SF3B1: variants seen among roughly 807,000 people sequenced by gnomAD.
SF3B1 encodes pre-mRNA processing 10.
Under a neutral mutation model 153.8 loss-of-function variants are expected in SF3B1, and 12 were observed. That is an observed-to-expected ratio of 0.08 (90% CI 0.05 to 0.13). SF3B1 has a LOEUF of 0.13. Among genes scored for constraint, SF3B1 ranks in the 10% least tolerant of loss-of-function variants. The pLI is 1.00. For synonymous variants in SF3B1, 498 were observed against 525.2 expected, an observed-to-expected ratio of 0.95 and a Z score of 0.71; for missense variants, 513 against 1,606.1, an observed-to-expected ratio of 0.32 and a Z score of 11.63.
At chr2:197,409,337 T>A (rs1574535757) in intron 7 of SF3B1, among the ~76,000 whole-genome samples, 1 of 151,572 alleles carries the variant, frequency 6.6e-6, no homozygotes, top group African/African-American at 2.4e-5. Context: ...GAGGTGGAGG[T>A]TGCAGTGAGC....
intron 4 of SF3B1, 54 bp from the exon 5 acceptor site, chr2:197,418,642 G>T (rs2106008024): frequency 6.3e-7 from 1 of 1,579,068 alleles, no homozygotes; most frequent in Non-Finnish European, 8.6e-7. Flanking sequence ...AAAATAAGCA[G>T]GTTCAACTGA....
rs778218745 is a variant in SF3B1, at chr2:197,418,518, A to G, written c.486T>C (p.Thr162=). Residue 162 remains threonine (T), a synonymous_variant, in exon 5 of 25, where the codon ACT becomes ACC. Transcript: ENST00000335508. ...YMDVMREQHL[T]KEEREIRQQL... ...AGACAGGTTTACATACTTCTTCTTT[A>G]GTCAAGTGTTGTTCTCGCATTACAT... 4 of 1,608,878 alleles carry G rather than the reference A, an allele frequency of 2.5e-6. No homozygotes were observed. In the East Asian group the frequency reaches 8.9e-5, roughly 36 times the overall value.
At position 197,420,984 on chromosome 2, in the gene SF3B1, C is replaced by G. The variant is rs568638032; in HGVS notation, c.300+45G>C. 3.2e-6 allele frequency: 4 copies of G among 1,248,602 alleles called. No homozygotes were observed. In the East Asian group the frequency reaches 9.6e-5, roughly 30 times the overall value. 77.3% of individuals were successfully genotyped at this position (1,248,602 alleles called of 1,614,324 possible). On this transcript the variant is annotated intron_variant, in intron 3 of 24. Transcript: ENST00000335508. ...ATTTCTATGGGAACTCAGACATTCA[C>G]TTTTCTTTAGCTGAATAAACTATGC...
intron 1 of SF3B1, among the ~76,000 whole-genome samples, chr2:197,430,702 C>CAT (rs1180920686): frequency 2.0e-5 from 3 of 152,212 alleles, no homozygotes; most frequent in African/African-American, 7.2e-5. Flanking sequence ...GATCCATCCA[C>CAT]ATCAGCCTCC....
At chr2:197,397,832 A>T (rs1489866275) in intron 22 of SF3B1, 153 bp downstream of exon 22, 2 of 509,334 alleles carry the variant, frequency 3.9e-6, no homozygotes, top group Non-Finnish European at 6.8e-6. Context: ...ATACATTCCA[A>T]TAATCAGAAG....
At chr2:197,408,171 T>TA in intron 8 of SF3B1, 52 bp from the exon 9 acceptor site, 3 of 1,475,882 alleles carry the variant, frequency 2.0e-6, no homozygotes, top group Non-Finnish European at 2.8e-6. Flanking sequence ...ACTGTATTAT[T>TA]ACATACATTG....
chr2:197,396,670 C>A (rs754330737), intron 22 of SF3B1, among the ~76,000 whole-genome samples: 13 of 151,776 alleles, frequency 8.6e-5, no homozygotes, highest in Non-Finnish European at 1.5e-4. Context: ...GTGAGTAATT[C>A]TCTGAGTTGT....
At chr2:197,423,157 C>A (rs1057151801) in intron 2 of SF3B1, among the ~76,000 whole-genome samples, 2 of 152,042 alleles carry the variant, frequency 1.3e-5, no homozygotes, top group Non-Finnish European at 2.9e-5. Flanking sequence ...GAGGCCAAGG[C>A]AGGTGGATCA....
At chr2:197,406,042 T>A (rs2084987563) in intron 9 of SF3B1, among the ~76,000 whole-genome samples, 1 of 146,210 alleles carries the variant, frequency 6.8e-6, no homozygotes, top group Admixed American at 6.8e-5. Flanking sequence ...GCAAAACGAG[T>A]AAAATTTCAA....
In SF3B1 at chr2:197,408,130, A is replaced by G. The variant is rs1291163210; in HGVS notation, c.1118-11T>C. 2 of 1,608,676 alleles carry G rather than the reference A, an allele frequency of 1.2e-6. No homozygotes were observed. Among genetic ancestry groups the G allele is most frequent in the Admixed American group, 3.3e-5 (2 of 59,760 alleles). On this transcript the variant is annotated splice_polypyrimidine_tract_variant and intron_variant, in intron 8 of 24. Transcript: ENST00000335508. Reference sequence around the variant, plus strand: ...TACTCATTATGTGACCTACCAAGAAAAGCAAATTTTTATATAATCTATAGT... The same window carrying G: ...TACTCATTATGTGACCTACCAAGAAGAGCAAATTTTTATATAATCTATAGT...
chr2:197,421,328 T>C (rs968152388), intron 2 of SF3B1, among the ~76,000 whole-genome samples, 195 bp from the exon 3 acceptor site: 5 of 152,258 alleles, frequency 3.3e-5, no homozygotes, highest in Admixed American at 6.5e-5. Context: ...AGTAAAGTTA[T>C]CTTTACTTTT....
chr2:197,405,231 T>C, intron 10 of SF3B1, 44 bp downstream of exon 10: 1 of 1,597,374 alleles, frequency 6.3e-7, no homozygotes. Context: ...TGATTTATAA[T>C]TCTGGAACAC....
chr2:197,417,057 G>A, intron 5 of SF3B1, 146 bp from the exon 6 acceptor site: 1 of 747,648 alleles, frequency 1.3e-6, no homozygotes, highest in Non-Finnish European at 2.1e-6. Flanking sequence ...ACGCTCGCTG[G>A]TTCCATAGTC....
intron 1 of SF3B1, among the ~76,000 whole-genome samples, chr2:197,426,071 C>G (rs971058931): frequency 4.0e-5 from 6 of 151,478 alleles, no homozygotes; most frequent in African/African-American, 1.5e-4. Context: ...CAGTTGTGAT[C>G]GGATCTCAAA....
At position 197,401,678 on chromosome 2, in the gene SF3B1, C is replaced by T; in HGVS notation, c.2370+64G>A. 6.6e-7 allele frequency: 1 copy of T among 1,525,134 alleles called. No individual in the cohort carries two copies. Among genetic ancestry groups the T allele is most frequent in the East Asian group, 2.3e-5 (1 of 44,196 alleles). The allele number at this position is 1,525,134 out of a possible 1,614,324, so 94.5% of individuals were successfully genotyped here. A position where few individuals can be genotyped will look rare whatever the true frequency, so the allele number is the denominator to read the frequency against. ...TTTTTTTTGTTGATTTTTAAAAACA[C>T]TTTAAAATTCTGTTAGAACCATGAA... On this transcript the variant is annotated intron_variant, in intron 16 of 24. Transcript: ENST00000335508. The surrounding 1 kb of genome is among the most constrained non-coding windows in gnomAD (Gnocchi z 4.2).
At chr2:197,414,019 G>A (rs2085111061) in intron 6 of SF3B1, among the ~76,000 whole-genome samples, 2 of 152,042 alleles carry the variant, frequency 1.3e-5, no homozygotes, top group South Asian at 4.1e-4. Context: ...TGTTGGCCAA[G>A]CTGGTCTTGA....
At chr2:197,410,587 C>A (rs1057339148) in intron 6 of SF3B1, among the ~76,000 whole-genome samples, 1 of 142,820 alleles carries the variant, frequency 7.0e-6, no homozygotes, top group Non-Finnish European at 1.5e-5. Flanking sequence ...CTCACAGCAA[C>A]CTCTGCCTCC....
chr2:197,404,278 AAAT>A (rs1443159385), intron 11 of SF3B1, among the ~76,000 whole-genome samples: 3 of 152,092 alleles, frequency 2.0e-5, no homozygotes, highest in Non-Finnish European at 4.4e-5. Flanking sequence ...AGGAGTATTT[AAAT>A]AATAATAAAA....
Position 197,402,328 on chromosome 2 carries a change from T to C in SF3B1, c.2078-198A>G. ...CAAACCCATCATAAAATCTATAGTTTGTAGAGCTATGCCTTTCCATTTATC... is the reference window on the plus strand; with the variant it reads ...CAAACCCATCATAAAATCTATAGTTCGTAGAGCTATGCCTTTCCATTTATC... On this transcript the variant is annotated intron_variant, in intron 14 of 24. Transcript: ENST00000335508. The surrounding 1 kb of genome is among the most constrained non-coding windows in gnomAD (Gnocchi z 4.6). The C allele has an allele frequency of 1.4e-6, 1 of 712,226 alleles. No homozygotes were observed. The highest frequency in any genetic ancestry group is 2.3e-6 in the Non-Finnish European group (1 of 440,514). 44.1% of individuals were successfully genotyped at this position (712,226 alleles called of 1,614,324 possible).
Sources: allele counts gnomAD v4.1 joint callset (sites outside exome capture counted in the v4.1 genomes callset), GRCh38; gene constraint gnomAD v4.1.1; non-coding constraint Gnocchi (gnomAD v3.1); transcripts MANE v1.5; gene names NCBI Gene and HGNC (gene_info 2026-07-23, HGNC 2026-07-21).